Variants in HOMER1 observed in about 807,000 individuals in gnomAD.
The protein encoded by HOMER1 is homer scaffold protein 1, also known as homer protein homolog 1.
HOMER1 carries 3 observed loss-of-function variants against 48.9 expected under a neutral mutation model. The observed-to-expected ratio is 0.06, with a 90% confidence interval of 0.03 to 0.16. The LOEUF (loss-of-function observed/expected upper bound fraction) is 0.16. HOMER1 is among the 10% of genes least tolerant of loss of function. The pLI is 1.00. For missense variants in HOMER1, 247 were observed against 411.4 expected, an observed-to-expected ratio of 0.60 and a Z score of 3.46; for synonymous variants, 134 against 146.4, an observed-to-expected ratio of 0.92 and a Z score of 0.61.
chr5:79,383,182 G>A (rs149439031), intron 8 of HOMER1, among the ~76,000 whole-genome samples: 16 of 152,134 alleles, frequency 1.1e-4, no homozygotes, highest in South Asian at 2.1e-4. Flanking sequence ...GGATATATAC[G>A]TTCCCAACAC....
At chr5:79,507,685 A>G (rs1260609477) in intron 1 of HOMER1, among the ~76,000 whole-genome samples, 1 of 149,188 alleles carries the variant, frequency 6.7e-6, no homozygotes, top group Non-Finnish European at 1.5e-5. Flanking sequence ...ACTAAAAATA[A>G]ATACTTCAAC....
intron 1 of HOMER1, among the ~76,000 whole-genome samples, chr5:79,507,936 C>T (rs1203073920): frequency 6.6e-6 from 1 of 152,150 alleles, no homozygotes; most frequent in Non-Finnish European, 1.5e-5. Context: ...AATGAAATGT[C>T]CTAATTCTGA....
At chr5:79,461,921 G>A (rs527658742) in intron 1 of HOMER1, among the ~76,000 whole-genome samples, 3 of 152,208 alleles carry the variant, frequency 2.0e-5, no homozygotes, top group African/African-American at 4.8e-5. Context: ...GATCCATGCC[G>A]GGCGCAGTGG....
At chr5:79,420,116 C>T (rs1750056897) in intron 5 of HOMER1, among the ~76,000 whole-genome samples, 1 of 152,136 alleles carries the variant, frequency 6.6e-6, no homozygotes, top group Non-Finnish European at 1.5e-5. Flanking sequence ...CTTAAGCAAT[C>T]AATGTATTAA....
intron 5 of HOMER1, among the ~76,000 whole-genome samples, chr5:79,411,660 T>C (rs1380371329): frequency 2.0e-5 from 3 of 152,224 alleles, no homozygotes; most frequent in Admixed American, 6.5e-5. Context: ...TACATGTGAA[T>C]GGTCACTTGC....
At chr5:79,402,138 AG>A in intron 5 of HOMER1, 83 bp from the exon 6 acceptor site, 1 of 1,091,296 alleles carries the variant, frequency 9.2e-7, no homozygotes, top group Non-Finnish European at 1.3e-6. Flanking sequence ...GTTCTATTGT[AG>A]GGTTTATAGT....
chr5:79,492,030 A>G (rs115455827), intron 1 of HOMER1, among the ~76,000 whole-genome samples: 5,496 of 152,276 alleles, frequency 0.036, 161 homozygotes, highest in Admixed American at 0.073. Context: ...GCTACACTTT[A>G]CCATAGTTAC....
At chr5:79,492,171 T>C (rs1752295680) in intron 1 of HOMER1, among the ~76,000 whole-genome samples, 1 of 152,220 alleles carries the variant, frequency 6.6e-6, no homozygotes, top group African/African-American at 2.4e-5. Flanking sequence ...GAGGCCTCTT[T>C]TAACTACTTC....
At chr5:79,394,795 C>A (rs532815982) in intron 8 of HOMER1, among the ~76,000 whole-genome samples, 2 of 152,294 alleles carry the variant, frequency 1.3e-5, no homozygotes, top group East Asian at 3.9e-4. Context: ...GCCTTGAACT[C>A]CTGGCCTCAA....
intron 3 of HOMER1, among the ~76,000 whole-genome samples, chr5:79,447,567 AT>A (rs1478790295): frequency 6.6e-6 from 1 of 152,180 alleles, no homozygotes; most frequent in Non-Finnish European, 1.5e-5. Flanking sequence ...ATGCTTTTAA[AT>A]TTTACTAAAA....
At chr5:79,439,914 T>C (rs989996772) in intron 4 of HOMER1, among the ~76,000 whole-genome samples, 1 of 152,130 alleles carries the variant, frequency 6.6e-6, no homozygotes. Flanking sequence ...TCTGCCACCA[T>C]CAGATTATCC....
chr5:79,474,988 GC>G (rs1751722694), intron 1 of HOMER1, among the ~76,000 whole-genome samples: 2 of 152,164 alleles, frequency 1.3e-5, no homozygotes, highest in Non-Finnish European at 2.9e-5. Flanking sequence ...AAGGAGGGAA[GC>G]CACAGGCTGC....
chr5:79,477,973 A>G (rs1289761261), intron 1 of HOMER1, among the ~76,000 whole-genome samples: 1 of 152,162 alleles, frequency 6.6e-6, no homozygotes, highest in Non-Finnish European at 1.5e-5. Context: ...ACACAATGCT[A>G]AAAATGTCTG....
At chr5:79,438,821 A>G (rs1750664294) in intron 5 of HOMER1, among the ~76,000 whole-genome samples, 189 bp downstream of exon 5, 1 of 151,848 alleles carries the variant, frequency 6.6e-6, no homozygotes, top group Admixed American at 6.6e-5. Flanking sequence ...TGCAACTATA[A>G]ACTATAAATT....
At chr5:79,382,364 G>A (rs1184039431) in intron 8 of HOMER1, among the ~76,000 whole-genome samples, 1 of 152,126 alleles carries the variant, frequency 6.6e-6, no homozygotes, top group African/African-American at 2.4e-5. Flanking sequence ...GCACATTATA[G>A]TCAAATTGTC....
intron 1 of HOMER1, among the ~76,000 whole-genome samples, chr5:79,475,268 A>G (rs963501658): frequency 6.6e-6 from 1 of 150,990 alleles, no homozygotes; most frequent in Non-Finnish European, 1.5e-5. Context: ...GAGCCGGCAC[A>G]CTGTCTGGCT....
At chr5:79,450,710 T>A (rs755235537) in intron 3 of HOMER1, among the ~76,000 whole-genome samples, 14 of 152,140 alleles carry the variant, frequency 9.2e-5, no homozygotes, top group Non-Finnish European at 1.6e-4. Flanking sequence ...CTGACAAAAA[T>A]CCATTCTGAA....
intron 1 of HOMER1, among the ~76,000 whole-genome samples, chr5:79,458,092 G>T (rs1561371348): frequency 6.6e-6 from 1 of 151,992 alleles, no homozygotes. Context: ...ATCAAGCAGG[G>T]CCTTAAAGAT....
intron 1 of HOMER1, among the ~76,000 whole-genome samples, chr5:79,489,864 C>T (rs938951287): frequency 6.6e-6 from 1 of 152,148 alleles, no homozygotes; most frequent in Non-Finnish European, 1.5e-5. Context: ...CGAAATTTCA[C>T]TCTGATGCTT....
Sources: gnomAD v4.1 joint callset for allele counts (sites outside exome capture counted in the v4.1 genomes callset) on GRCh38, gnomAD v4.1.1 for gene constraint, MANE v1.5 for transcripts, NCBI Gene and HGNC (gene_info 2026-07-23, HGNC 2026-07-21) for gene names.